Variants in HERPUD2 observed in about 807,000 individuals in gnomAD.
HERPUD2 encodes the protein HERPUD family member 2, also known as homocysteine-responsive endoplasmic reticulum-resident ubiquitin-like domain member 2 protein.
In HERPUD2, 13 loss-of-function variants were observed where a neutral mutation model predicts 49.9. That is an observed-to-expected ratio of 0.26 (90% confidence interval 0.17 to 0.41). HERPUD2 has a LOEUF of 0.41. Ranked by LOEUF, HERPUD2 falls within the 10% of genes least tolerant of loss-of-function variation. The pLI is 1.00. For synonymous variants in HERPUD2, 172 were observed against 171.4 expected (o/e 1.00, Z -0.03); for missense variants, 449 against 492.2 (o/e 0.91, Z 0.83).
intron 6 of HERPUD2, among the ~76,000 whole-genome samples, chr7:35,637,670 T>G (rs1784893062): frequency 6.6e-6 from 1 of 151,918 alleles, no homozygotes; most frequent in Non-Finnish European, 1.5e-5. Context: ...CCCCAACAAC[T>G]AAATCCCATC....
At chr7:35,642,622 G>T (rs1487536297) in intron 5 of HERPUD2, among the ~76,000 whole-genome samples, 2 of 152,174 alleles carry the variant, frequency 1.3e-5, no homozygotes, top group African/African-American at 4.8e-5. Context: ...ACACTAAACA[G>T]TCATAAAAGA....
intron 6 of HERPUD2, among the ~76,000 whole-genome samples, chr7:35,637,749 T>C (rs1784894467): frequency 6.6e-6 from 1 of 152,190 alleles, no homozygotes; most frequent in Non-Finnish European, 1.5e-5. Context: ...AAAGAAATGT[T>C]AATAAAATGA....
chr7:35,666,177 C>T (rs1460098439), intron 5 of HERPUD2, among the ~76,000 whole-genome samples: 1 of 152,178 alleles, frequency 6.6e-6, no homozygotes, highest in Admixed American at 6.5e-5. Context: ...CTGCTTTTTA[C>T]AAGTAAATCT....
At chr7:35,663,765 C>T (rs1020821282) in intron 5 of HERPUD2, among the ~76,000 whole-genome samples, 4 of 152,128 alleles carry the variant, frequency 2.6e-5, no homozygotes, top group Non-Finnish European at 4.4e-5. Context: ...GATCTTCCTC[C>T]ATCCCTTTAT....
intron 6 of HERPUD2, among the ~76,000 whole-genome samples, chr7:35,637,160 A>AAGAAAGAAAGATAGAT (rs1554311472): frequency 3.4e-3 from 491 of 144,162 alleles, no homozygotes; most frequent in Middle Eastern, 7.1e-3. Flanking sequence ...GAAAGAAAGA[A>AAGAAAGAAAGATAGAT]AGATAGATAG....
intron 8 of HERPUD2, among the ~76,000 whole-genome samples, 162 bp from the exon 9 acceptor site, chr7:35,634,013 G>A (rs909865695): frequency 5.3e-5 from 8 of 152,126 alleles, no homozygotes; most frequent in African/African-American, 1.2e-4. Flanking sequence ...TCACTGTTCC[G>A]TAAAGGGGAC....
In HERPUD2 at chr7:35,694,256, A is replaced by C; in HGVS notation, c.75T>G (p.Thr25=). The C allele has an allele frequency of 2.5e-6, 4 of 1,614,158 alleles. No individual in the cohort carries two copies. The highest frequency in any genetic ancestry group is 3.4e-6 in the Non-Finnish European group (4 of 1,180,010). The stretch of plus-strand genomic sequence containing the variant: ...CGGTCCAGTTCAAGAAGCAGCTAAT[A>C]GTCTGGTCACTGTATTTCTGATTCG... ...KAPNQKYSDQ[T]ISCFLNWTVG... is the part of the protein sequence containing the mutation. The change falls in exon 2 of 9, where the codon ACT becomes ACG. Residue 25 remains threonine (T), a synonymous_variant. Transcript: ENST00000311350.
At position 35,693,660 on chromosome 7, in the gene HERPUD2, CAG is replaced by C. The variant is rs941168778; in HGVS notation, c.147+522_147+523del. 5.9e-5 allele frequency among the ~76,000 whole-genome samples: 9 copies of C among 151,998 alleles called. 1 individual carries two copies. The highest frequency in any genetic ancestry group is 1.9e-4 in the African/African-American group (8 of 41,350). On this transcript the variant is annotated intron_variant, in intron 2 of 8. Transcript: ENST00000311350. ...TTCCATGCCTGCCAATTCTTTGAGA[CAG>C]AGTCTCACTGTGCCACTCAGGCTGG...
intron 4 of HERPUD2, among the ~76,000 whole-genome samples, chr7:35,668,261 G>A (rs980798407): frequency 2.6e-5 from 4 of 152,030 alleles, no homozygotes; most frequent in Non-Finnish European, 4.4e-5. Flanking sequence ...AACAAATATT[G>A]CTTTTTTACA....
intron 6 of HERPUD2, among the ~76,000 whole-genome samples, chr7:35,637,806 C>A (rs930734207): frequency 1.5e-4 from 23 of 152,044 alleles, no homozygotes; most frequent in African/African-American, 5.1e-4. Flanking sequence ...AAAAAAGGTA[C>A]GGAAGACAAA....
intron 2 of HERPUD2, among the ~76,000 whole-genome samples, chr7:35,691,189 G>A (rs1453506337): frequency 2.0e-5 from 3 of 152,118 alleles, no homozygotes. Flanking sequence ...CTTTGAGGGG[G>A]AGGGGTACAT....
intron 5 of HERPUD2, among the ~76,000 whole-genome samples, chr7:35,653,020 A>C (rs1051724027): frequency 6.6e-6 from 1 of 152,192 alleles, no homozygotes; most frequent in African/African-American, 2.4e-5. Context: ...AAAGAAAGGA[A>C]GAAATGCTAT....
In HERPUD2 at chr7:35,657,019, A is replaced by G. The variant is rs570303815; in HGVS notation, c.494+10415T>C. On this transcript the variant is annotated intron_variant, in intron 5 of 8. Transcript: ENST00000311350. ...AAAACAAAAATAGACAAATGAGACT[A>G]TATTAAACTAAAAAGCATAGCAAAT... 2.0e-5 allele frequency among the ~76,000 whole-genome samples: 3 copies of G among 152,362 alleles called. No homozygotes were observed. The South Asian group carries it at 6.2e-4, about 32-fold the overall frequency.
At chr7:35,671,781 T>C (rs1263531341) in intron 3 of HERPUD2, among the ~76,000 whole-genome samples, 1 of 152,106 alleles carries the variant, frequency 6.6e-6, no homozygotes, top group East Asian at 1.9e-4. Flanking sequence ...TTTAAGTTGT[T>C]TGGCCTGAAA....
chr7:35,678,867 T>G (rs1275807422), intron 2 of HERPUD2, among the ~76,000 whole-genome samples: 1 of 152,138 alleles, frequency 6.6e-6, no homozygotes, highest in Non-Finnish European at 1.5e-5. Flanking sequence ...TGTCAGATAT[T>G]TTATCACAAG....
intron 3 of HERPUD2, among the ~76,000 whole-genome samples, chr7:35,672,482 C>A (rs1273914183): frequency 6.6e-6 from 1 of 151,834 alleles, no homozygotes; most frequent in Non-Finnish European, 1.5e-5. Flanking sequence ...CATAAACATA[C>A]AGGAGAAGAT....
intron 2 of HERPUD2, among the ~76,000 whole-genome samples, chr7:35,685,293 C>G (rs1786012422): frequency 6.7e-6 from 1 of 148,442 alleles, no homozygotes; most frequent in African/African-American, 2.5e-5. Flanking sequence ...TGTGCCTAAA[C>G]TAGGTAAAAA....
At position 35,694,784 on chromosome 7, in the gene HERPUD2, A is replaced by C; in HGVS notation, c.-298+17T>G. ...AGCAGCTGGGCCGCTCAGGGCGGTC[A>C]GCGGGCACTGGGGTACCTGAGAGAA... On this transcript the variant is annotated intron_variant, in intron 1 of 8. Coordinates refer to ENST00000311350, the MANE Select transcript of HERPUD2 (RefSeq NM_022373.5). 6.4e-6 allele frequency: 1 copy of C among 156,468 alleles called. No homozygotes were observed. The highest frequency in any genetic ancestry group is 1.8e-4 in the South Asian group (1 of 5,432). The allele number at this position is 156,468 out of a possible 1,614,324, so 9.7% of individuals were successfully genotyped here. A position where few individuals can be genotyped will look rare whatever the true frequency, so the allele number is the denominator to read the frequency against.
rs764291222 is a variant in HERPUD2 at position 35,694,344 on chromosome 7, TCAGA to T, written c.-18_-15del. On this transcript the variant is annotated 5_prime_UTR_variant, in exon 2 of 9. Coordinates refer to ENST00000311350, the MANE Select transcript of HERPUD2 (RefSeq NM_022373.5). Reference sequence around the variant, plus strand: ...ACTTTGGTCCATGGTGCCCCCAAAGTCAGACAGAGTCCAGAGGAGCGGCAGTTAA... The same window carrying T: ...ACTTTGGTCCATGGTGCCCCCAAAGTCAGAGTCCAGAGGAGCGGCAGTTAA... 6 of 1,614,034 alleles carry T rather than the reference TCAGA, an allele frequency of 3.7e-6. No individual in the cohort carries two copies. The highest frequency in any genetic ancestry group is 3.3e-5 in the Admixed American group (2 of 60,022).
Sources: allele counts gnomAD v4.1 joint callset (sites outside exome capture counted in the v4.1 genomes callset), GRCh38; gene constraint gnomAD v4.1.1; transcripts MANE v1.5; gene names NCBI Gene and HGNC (gene_info 2026-07-23, HGNC 2026-07-21).